FGFR2: variants seen among roughly 807,000 people sequenced by gnomAD.
The protein encoded by FGFR2 is fibroblast growth factor receptor 2, also known as BEK fibroblast growth factor receptor.
FGFR2 carries 19 observed loss-of-function variants against 95.9 expected under a neutral mutation model. That is an observed-to-expected ratio of 0.20 (90% CI 0.14 to 0.29). The LOEUF (loss-of-function observed/expected upper bound fraction) is 0.29. Ranked by LOEUF, FGFR2 falls within the 10% of genes least tolerant of loss-of-function variation. The pLI is 1.00. For synonymous variants in FGFR2, 392 were observed against 393.3 expected (o/e 1.00, Z 0.04); for missense variants, 707 against 1,056.9 (o/e 0.67, Z 4.59).
intron 2 of FGFR2, among the ~76,000 whole-genome samples, chr10:121,577,401 A>G (rs1304404089): frequency 2.6e-5 from 4 of 151,818 alleles, no homozygotes; most frequent in Admixed American, 6.6e-5. Context: ...CTAAACAGGA[A>G]AAAAAGCAAG....
intron 9 of FGFR2, among the ~76,000 whole-genome samples, chr10:121,505,478 A>C (rs1848148950): frequency 6.6e-6 from 1 of 152,214 alleles, no homozygotes; most frequent in Non-Finnish European, 1.5e-5. Flanking sequence ...TGTATGGTCA[A>C]AATGTTTTAA....
chr10:121,526,047 G>C (rs971863945), intron 6 of FGFR2: 14 of 396,356 alleles, frequency 3.5e-5, no homozygotes, highest in Non-Finnish European at 5.3e-5. Context: ...GGAGTTCCCA[G>C]TATTGATCTG....
chr10:121,556,431 C>CTT (rs1856160708), intron 4 of FGFR2, among the ~76,000 whole-genome samples: 1 of 151,038 alleles, frequency 6.6e-6, no homozygotes, highest in African/African-American at 2.4e-5. Flanking sequence ...CTCTCTCTCT[C>CTT]TCTGGAACCA....
chr10:121,572,375 C>T (rs1327678849), intron 2 of FGFR2, among the ~76,000 whole-genome samples: 3 of 152,080 alleles, frequency 2.0e-5, no homozygotes, highest in African/African-American at 7.2e-5. Context: ...AATTTCAGCA[C>T]TTTGGGAGAC....
chr10:121,564,435 A>G (rs1857379633), intron 4 of FGFR2, 67 bp downstream of exon 4: 1 of 1,403,900 alleles, frequency 7.1e-7, no homozygotes, highest in Non-Finnish European at 1.0e-6. Flanking sequence ...ACAAGAAGAC[A>G]GGTGACAGGC....
chr10:121,500,810 C>G lies in FGFR2; in HGVS notation c.1561+16G>C. The stretch of plus-strand genomic sequence containing the variant: ...TCCACCCAGCCCCTCCCCGAGCCTC[C>G]CGCCTCCCCGCTCACCTTTCAACAT... On this transcript the variant is annotated intron_variant, in intron 11 of 17. Coordinates refer to ENST00000358487, the MANE Select transcript of FGFR2 (RefSeq NM_000141.5). 1 of 1,613,530 alleles carries G rather than the reference C, an allele frequency of 6.2e-7. No homozygotes were observed. Among genetic ancestry groups the G allele is most frequent in the Non-Finnish European group, 8.5e-7 (1 of 1,180,018 alleles).
chr10:121,566,362 A>G (rs1275574548), intron 2 of FGFR2, among the ~76,000 whole-genome samples: 1 of 152,204 alleles, frequency 6.6e-6, no homozygotes, highest in African/African-American at 2.4e-5. Context: ...AGAGGCCTTA[A>G]CACCAAAAAC....
intron 5 of FGFR2, among the ~76,000 whole-genome samples, chr10:121,541,858 CTAT>C (rs1853804807): frequency 6.6e-6 from 1 of 152,164 alleles, no homozygotes; most frequent in South Asian, 2.1e-4. Flanking sequence ...TTGCTGGTAC[CTAT>C]TAAAATTAGC....
intron 4 of FGFR2, among the ~76,000 whole-genome samples, chr10:121,558,603 G>GTTTTTTTTTTTTTTT (rs200830608): frequency 6.7e-6 from 1 of 148,280 alleles, no homozygotes; most frequent in African/African-American, 2.6e-5. Context: ...AATAGATACA[G>GTTTTTTTTTTTTTTT]TTTTTTGTTT....
rs939503079 is a variant in FGFR2, at chr10:121,518,065, T to C, written c.940-602A>G. ...GCATCATCTTGGTAACCAAAAAAAC[T>C]GGGCTTTTTCTCTTTTCATTAATAA... On this transcript the variant is annotated intron_variant, in intron 7 of 17. Coordinates refer to ENST00000358487, the MANE Select transcript of FGFR2 (RefSeq NM_000141.5). This position sits in a 1 kb window ranked among gnomAD's most constrained non-coding sequence, Gnocchi z 4.0. 1 of 498,598 alleles carries C rather than the reference T, an allele frequency of 2.0e-6. No homozygotes were observed. Among genetic ancestry groups the C allele is most frequent in the Non-Finnish European group, 3.9e-6 (1 of 254,682 alleles). 30.9% of individuals were successfully genotyped at this position (498,598 alleles called of 1,614,324 possible).
intron 2 of FGFR2, among the ~76,000 whole-genome samples, chr10:121,576,459 A>G (rs1326014914): frequency 1.3e-5 from 2 of 152,158 alleles, no homozygotes; most frequent in Non-Finnish European, 2.9e-5. Flanking sequence ...TTCTTGGGAC[A>G]CACTGTTCTG....
At position 121,594,923 on chromosome 10, in the gene FGFR2, A is replaced by G. The variant is rs1428152182; in HGVS notation, c.-150-956T>C. 3.9e-5 allele frequency among the ~76,000 whole-genome samples: 6 copies of G among 152,246 alleles called. No individual in the cohort carries two copies. In the East Asian group the frequency reaches 9.6e-4, roughly 24 times the overall value. ...AGTATAAGTTAGAAGAGGACACTCAACTTAATATTCTGTTCACCCATTTGA... is the reference window on the plus strand; with the variant it reads ...AGTATAAGTTAGAAGAGGACACTCAGCTTAATATTCTGTTCACCCATTTGA... On this transcript the variant is annotated intron_variant, in intron 1 of 17. Transcript: ENST00000358487.
chr10:121,547,691 C>T (rs904962032), intron 5 of FGFR2, among the ~76,000 whole-genome samples: 4 of 152,150 alleles, frequency 2.6e-5, no homozygotes, highest in African/African-American at 7.2e-5. Flanking sequence ...TGTGCCCAAC[C>T]CAGAGGCACA....
chr10:121,494,370 G>C (rs541698423), intron 13 of FGFR2, among the ~76,000 whole-genome samples: 4 of 152,232 alleles, frequency 2.6e-5, no homozygotes, highest in Admixed American at 2.6e-4. Context: ...CTGACCAAGG[G>C]CATGAGACAT....
chr10:121,513,675 A>G (rs1209739587), intron 9 of FGFR2, among the ~76,000 whole-genome samples: 1 of 152,140 alleles, frequency 6.6e-6, no homozygotes, highest in Admixed American at 6.5e-5. Flanking sequence ...CAAGAAAGAT[A>G]ATCATGTCAC....
chr10:121,517,952 G>C lies in FGFR2; in HGVS notation c.940-489C>G, dbSNP rs1263439541. On this transcript the variant is annotated intron_variant, in intron 7 of 17. Coordinates refer to ENST00000358487, the MANE Select transcript of FGFR2 (RefSeq NM_000141.5). This position sits in a 1 kb window ranked among gnomAD's most constrained non-coding sequence, Gnocchi z 4.7. ...CCTGTGGGAACCAATTGGGGTGGAA[G>C]GTTGTCTTGGTTACCAGGCTCTGGT... 2 of 390,176 alleles carry C rather than the reference G, an allele frequency of 5.1e-6. No individual in the cohort carries two copies. The highest frequency in any genetic ancestry group is 4.2e-5 in the African/African-American group (2 of 47,886). The allele number at this position is 390,176 out of a possible 1,614,324, so 24.2% of individuals were successfully genotyped here.
At chr10:121,486,116 G>A (rs1845372107) in intron 15 of FGFR2, among the ~76,000 whole-genome samples, 1 of 152,164 alleles carries the variant, frequency 6.6e-6, no homozygotes, top group African/African-American at 2.4e-5. Flanking sequence ...ATTTACACTT[G>A]ACTCTTCAGA....
intron 9 of FGFR2, among the ~76,000 whole-genome samples, chr10:121,506,590 C>T (rs1848321895): frequency 6.6e-6 from 1 of 152,084 alleles, no homozygotes. Flanking sequence ...ACGTTAACAC[C>T]CAGCAGAGGC....
chr10:121,500,053 A>T (rs914853309), intron 11 of FGFR2, among the ~76,000 whole-genome samples: 1 of 151,972 alleles, frequency 6.6e-6, no homozygotes, highest in African/African-American at 2.4e-5. Flanking sequence ...CGTGGGAAAC[A>T]CTCGGCATGG....
Sources: allele counts gnomAD v4.1 joint callset (sites outside exome capture counted in the v4.1 genomes callset), GRCh38; gene constraint gnomAD v4.1.1; non-coding constraint Gnocchi (gnomAD v3.1); transcripts MANE v1.5; gene names NCBI Gene and HGNC (gene_info 2026-07-23, HGNC 2026-07-21).